SPNS3: variants seen among roughly 807,000 people sequenced by gnomAD.
SPNS3 encodes the protein protein spinster homolog 3.
SPNS3 carries 51 observed loss-of-function variants against 54.4 expected under a neutral mutation model. The observed-to-expected ratio is 0.94, with a 90% CI of 0.75 to 1.18. The LOEUF (loss-of-function observed/expected upper bound fraction) is 1.18. SPNS3 is among the 50% of genes most tolerant of loss of function. SPNS3 has a pLI of 0.00. For synonymous variants in SPNS3, 309 were observed against 294.7 expected (o/e 1.05, Z -0.50); for missense variants, 669 against 677.4 (o/e 0.99, Z 0.14).
intron 9 of SPNS3, among the ~76,000 whole-genome samples, chr17:4,485,424 T>C (rs1044386509): frequency 1.1e-4 from 17 of 150,966 alleles, no homozygotes; most frequent in Non-Finnish European, 1.8e-4. Flanking sequence ...TGAGATGGGA[T>C]TTTGCTCTTG....
At chr17:4,476,512 G>T (rs556762169) in intron 8 of SPNS3, among the ~76,000 whole-genome samples, 1 of 152,348 alleles carries the variant, frequency 6.6e-6, no homozygotes, top group Admixed American at 6.5e-5. Flanking sequence ...GCAATGTGAA[G>T]GGGGGAGAGG....
Position 4,434,169 on chromosome 17 carries a change from G to T in SPNS3, c.199+3G>T, listed in dbSNP as rs766571811. 1 of 1,607,112 alleles carries T rather than the reference G, an allele frequency of 6.2e-7. No individual in the cohort carries two copies. The highest frequency in any genetic ancestry group is 1.1e-5 in the South Asian group (1 of 90,204). On this transcript the variant is annotated splice_donor_region_variant and intron_variant, in intron 1 of 11. Coordinates refer to ENST00000355530, the MANE Select transcript of SPNS3 (RefSeq NM_182538.5). ...CATGAACTGGTTCATCATTGCAGGT[G>T]AGGAGGGGATGGCTACCCTGGGCAG...
chr17:4,458,586 C>CCT (rs1971391358), intron 8 of SPNS3, among the ~76,000 whole-genome samples: 1 of 66,722 alleles, frequency 1.5e-5, no homozygotes, highest in African/African-American at 5.2e-5. Context: ...TCTTCCTTCC[C>CCT]TCCTTTCTTT....
intron 8 of SPNS3, among the ~76,000 whole-genome samples, chr17:4,463,444 C>T (rs1302854990): frequency 1.4e-5 from 2 of 147,792 alleles, no homozygotes; most frequent in African/African-American, 2.5e-5. Context: ...CCTGAATATA[C>T]TAGCCAGGCA....
At chr17:4,464,423 C>G (rs533972275) in intron 8 of SPNS3, among the ~76,000 whole-genome samples, 1 of 152,130 alleles carries the variant, frequency 6.6e-6, no homozygotes, top group East Asian at 1.9e-4. Flanking sequence ...TGTGGCTGAA[C>G]GTCGGCTATC....
chr17:4,443,109 C>T (rs1970896436), intron 2 of SPNS3, among the ~76,000 whole-genome samples: 1 of 151,726 alleles, frequency 6.6e-6, no homozygotes, highest in Non-Finnish European at 1.5e-5. Context: ...CTCGCTCTGT[C>T]ACACAGGCTG....
rs975320886 is a variant in SPNS3 at position 4,466,607 on chromosome 17, C to T, written c.1114-11965C>T. 4.1e-5 allele frequency among the ~76,000 whole-genome samples: 6 copies of T among 148,040 alleles called. No homozygotes were observed. In the East Asian group the frequency reaches 6.0e-4, roughly 15 times the overall value. Reference sequence around the variant, plus strand: ...CTGTAACCCCAGCATTTTGGGAGGCCGAGGCAGGCAGATCACTTGAGGTCA... The same window carrying T: ...CTGTAACCCCAGCATTTTGGGAGGCTGAGGCAGGCAGATCACTTGAGGTCA... On this transcript the variant is annotated intron_variant, in intron 8 of 11. Transcript: ENST00000355530.
chr17:4,446,578 G>A, intron 4 of SPNS3: 2 of 529,366 alleles, frequency 3.8e-6, no homozygotes, highest in Non-Finnish European at 6.8e-6. Flanking sequence ...CAGGACCCTG[G>A]CCTCTGACCC....
At chr17:4,473,284 G>C (rs1216245332) in intron 8 of SPNS3, among the ~76,000 whole-genome samples, 1 of 151,950 alleles carries the variant, frequency 6.6e-6, no homozygotes, top group Non-Finnish European at 1.5e-5. Flanking sequence ...TCATAGCTCT[G>C]AGTTCCCTCC....
At chr17:4,440,360 G>A (rs999283322) in intron 2 of SPNS3, among the ~76,000 whole-genome samples, 6 of 152,104 alleles carry the variant, frequency 3.9e-5, no homozygotes, top group African/African-American at 1.2e-4. Flanking sequence ...CACGTGATAC[G>A]CCTGTGCACA....
chr17:4,480,016 G>T (rs955958116), intron 9 of SPNS3, among the ~76,000 whole-genome samples: 1 of 152,240 alleles, frequency 6.6e-6, no homozygotes, highest in African/African-American at 2.4e-5. Flanking sequence ...AGGGTTATGG[G>T]CATGTATAGT....
chr17:4,447,193 C>T (rs1427208045), intron 5 of SPNS3, among the ~76,000 whole-genome samples: 1 of 152,168 alleles, frequency 6.6e-6, no homozygotes, highest in African/African-American at 2.4e-5. Flanking sequence ...GCTGTGTGAT[C>T]TCAAGCAGAT....
At chr17:4,472,696 G>A (rs1038165301) in intron 8 of SPNS3, among the ~76,000 whole-genome samples, 2 of 146,300 alleles carry the variant, frequency 1.4e-5, no homozygotes, top group African/African-American at 5.0e-5. Context: ...GGGGGTTTTA[G>A]TGAATGGCTT....
In SPNS3 at chr17:4,458,617, C is replaced by CTTTCTTTCTTTCT. The variant is rs1555530824; in HGVS notation, c.1113+5415_1113+5427dup. Among the ~76,000 whole-genome samples, 32 of 110,616 alleles carry CTTTCTTTCTTTCT rather than the reference C, an allele frequency of 2.9e-4. 1 individual carries two copies. The highest frequency in any genetic ancestry group is 1.6e-3 in the Admixed American group (16 of 9,924). The allele number at this position is 110,616 out of a possible 152,430, so 72.6% of individuals were successfully genotyped here. A position where few individuals can be genotyped will look rare whatever the true frequency, so the allele number is the denominator to read the frequency against. On this transcript the variant is annotated intron_variant, in intron 8 of 11. Coordinates refer to ENST00000355530, the MANE Select transcript of SPNS3 (RefSeq NM_182538.5). ...TCTTTCTTTCTTTCTTTCTTTCTTT[C>CTTTCTTTCTTTCT]TTTCTTTCTTTCTTTCTTTCTTTCT...
Position 4,486,618 on chromosome 17 carries a change from C to A in SPNS3, c.1450+35C>A. 6.3e-7 allele frequency: 1 copy of A among 1,584,654 alleles called. No homozygotes were observed. Among genetic ancestry groups the A allele is most frequent in the South Asian group, 1.1e-5 (1 of 88,396 alleles). On this transcript the variant is annotated intron_variant, in intron 11 of 11. Transcript: ENST00000355530. This position sits in a 1 kb window ranked among gnomAD's most constrained non-coding sequence, Gnocchi z 5.5. ...CCATTGCACCAGGCCCGGCTCAGGG[C>A]CGGCACCCTAGGGACAGACAGCACT...
intron 8 of SPNS3, among the ~76,000 whole-genome samples, chr17:4,476,505 A>G (rs886683159): frequency 6.6e-6 from 1 of 152,144 alleles, no homozygotes; most frequent in African/African-American, 2.4e-5. Flanking sequence ...GACGCTGGCA[A>G]TGTGAAGGGG....
intron 2 of SPNS3, among the ~76,000 whole-genome samples, chr17:4,442,636 T>C (rs1168123210): frequency 6.6e-6 from 1 of 152,180 alleles, no homozygotes; most frequent in Non-Finnish European, 1.5e-5. Context: ...GTGAGTTCAT[T>C]AATTAATAAT....
At position 4,447,564 on chromosome 17, in the gene SPNS3, G is replaced by A. The variant is rs570133699; in HGVS notation, c.622-591G>A. ...ACCACTGTGGAGCCAGCCCAGTGCCGGGGAGCTGGCGTGTGAAGTGCTGAA... is the reference window on the plus strand; with the variant it reads ...ACCACTGTGGAGCCAGCCCAGTGCCAGGGAGCTGGCGTGTGAAGTGCTGAA... On this transcript the variant is annotated intron_variant, in intron 5 of 11. Transcript: ENST00000355530. 3.6e-4 allele frequency among the ~76,000 whole-genome samples: 55 copies of A among 152,330 alleles called. No individual in the cohort carries two copies. In the South Asian group the frequency reaches 8.5e-3, roughly 24 times the overall value.
intron 2 of SPNS3, among the ~76,000 whole-genome samples, chr17:4,442,458 A>G (rs537373835): frequency 6.6e-6 from 1 of 152,176 alleles, no homozygotes; most frequent in Admixed American, 6.6e-5. Context: ...ACTTGAACCC[A>G]GAAGGCAGGG....
Sources: allele counts gnomAD v4.1 joint callset (sites outside exome capture counted in the v4.1 genomes callset), GRCh38; gene constraint gnomAD v4.1.1; non-coding constraint Gnocchi (gnomAD v3.1); transcripts MANE v1.5; gene names NCBI Gene and HGNC (gene_info 2026-07-23, HGNC 2026-07-21).